Variants in MDGA2 observed in about 807,000 individuals in gnomAD.
The protein encoded by MDGA2 is MAM domain-containing glycosylphosphatidylinositol anchor protein 2.
A neutral mutation model predicts 117.8 loss-of-function variants in MDGA2; 40 were observed. The observed-to-expected ratio is 0.34, with a 90% confidence interval of 0.26 to 0.44. The LOEUF (loss-of-function observed/expected upper bound fraction) is 0.44. MDGA2 is among the 20% of genes least tolerant of loss of function. The probability of loss-of-function intolerance (pLI) is 1.00; values close to 1 mark genes in which losing one functional copy is unlikely to be tolerated. For synonymous variants in MDGA2, 452 were observed against 439.0 expected, an observed-to-expected ratio of 1.03 and a Z score of -0.37; for missense variants, 1,123 against 1,250.6, an observed-to-expected ratio of 0.90 and a Z score of 1.54.
chr14:46,842,177 A>G (rs2138260076), intron 16 of MDGA2, among the ~76,000 whole-genome samples, 158 bp from the exon 17 acceptor site: 1 of 152,272 alleles, frequency 6.6e-6, no homozygotes, highest in South Asian at 2.1e-4. Context: ...CTTCATTGCT[A>G]AGGGAAGTGA....
intron 5 of MDGA2, among the ~76,000 whole-genome samples, chr14:47,110,098 C>T (rs536902075): frequency 2.6e-5 from 4 of 152,074 alleles, no homozygotes; most frequent in African/African-American, 9.6e-5. Flanking sequence ...TTTAAACTTA[C>T]CTATGTTTTA....
intron 1 of MDGA2, among the ~76,000 whole-genome samples, chr14:47,479,408 A>G (rs946894991): frequency 2.0e-5 from 3 of 152,100 alleles, no homozygotes; most frequent in African/African-American, 7.2e-5. Flanking sequence ...TTTGAAATAG[A>G]TAACATCTTC....
At chr14:47,312,557 C>G (rs951979858) in intron 1 of MDGA2, among the ~76,000 whole-genome samples, 2 of 151,978 alleles carry the variant, frequency 1.3e-5, no homozygotes, top group African/African-American at 4.8e-5. Context: ...TTTTTTAAGG[C>G]AGTGGCACCA....
chr14:47,650,728 G>A (rs1243197649), intron 1 of MDGA2, among the ~76,000 whole-genome samples: 2 of 152,216 alleles, frequency 1.3e-5, no homozygotes, highest in Non-Finnish European at 1.5e-5. Context: ...ACAAATTATT[G>A]TAAAATAAAA....
At chr14:47,451,577 C>T (rs142198653) in intron 1 of MDGA2, among the ~76,000 whole-genome samples, 1 of 152,062 alleles carries the variant, frequency 6.6e-6, no homozygotes, top group African/African-American at 2.4e-5. Flanking sequence ...GACAGTCTAC[C>T]AAGATGAGAA....
intron 3 of MDGA2, among the ~76,000 whole-genome samples, chr14:47,157,954 T>C (rs1241206630): frequency 2.0e-5 from 3 of 151,920 alleles, no homozygotes. Flanking sequence ...TTGTAAATTA[T>C]TGTCTTGGGT....
chr14:47,058,519 G>T, intron 7 of MDGA2: 1 of 984,192 alleles, frequency 1.0e-6, no homozygotes, highest in Non-Finnish European at 1.2e-6. Flanking sequence ...TATAATCCAA[G>T]ATTTCCTTGT....
chr14:47,295,057 AG>A (rs1889017330), intron 2 of MDGA2, among the ~76,000 whole-genome samples: 1 of 152,258 alleles, frequency 6.6e-6, no homozygotes, highest in African/African-American at 2.4e-5. Flanking sequence ...ATAAACTACT[AG>A]ACAATTTTAA....
chr14:47,218,577 T>C lies in MDGA2; in HGVS notation c.421-382A>G, dbSNP rs117785139. On this transcript the variant is annotated intron_variant, in intron 2 of 16. Coordinates refer to ENST00000399232, the MANE Select transcript of MDGA2 (RefSeq NM_001113498.3). Reference sequence around the variant, plus strand: ...CCAAACCTTGTGAGATAATTTTACTTATTTTGTCCAAGTAGGTTCTCATTT... The same window carrying C: ...CCAAACCTTGTGAGATAATTTTACTCATTTTGTCCAAGTAGGTTCTCATTT... Among the ~76,000 whole-genome samples, 937 of 152,264 alleles carry C rather than the reference T, an allele frequency of 6.2e-3. 4 individuals carry two copies. The highest frequency in any genetic ancestry group is 0.01 in the Non-Finnish European group (708 of 67,988).
At chr14:47,473,473 T>A (rs982316617) in intron 1 of MDGA2, among the ~76,000 whole-genome samples, 22 of 152,116 alleles carry the variant, frequency 1.4e-4, no homozygotes, top group African/African-American at 5.3e-4. Flanking sequence ...TAAAATGAAA[T>A]TTTTTAAAAA....
At chr14:46,989,751 G>C (rs1282584893) in intron 8 of MDGA2, among the ~76,000 whole-genome samples, 1 of 151,938 alleles carries the variant, frequency 6.6e-6, no homozygotes, top group Non-Finnish European at 1.5e-5. Flanking sequence ...ATCTAGGCAG[G>C]ACCAAACCAG....
chr14:47,107,879 A>G (rs1193764811), intron 5 of MDGA2, among the ~76,000 whole-genome samples: 1 of 151,598 alleles, frequency 6.6e-6, no homozygotes, highest in Non-Finnish European at 1.5e-5. Context: ...AAATAAGTAG[A>G]GGCCTTTCCT....
At chr14:47,078,935 T>C (rs1046783790) in intron 6 of MDGA2, among the ~76,000 whole-genome samples, 5 of 151,540 alleles carry the variant, frequency 3.3e-5, no homozygotes, top group Non-Finnish European at 7.4e-5. Flanking sequence ...GACCAACATC[T>C]CCCCAGTACT....
chr14:47,601,034 A>G (rs1421747387), intron 1 of MDGA2, among the ~76,000 whole-genome samples: 2 of 152,214 alleles, frequency 1.3e-5, no homozygotes, highest in Admixed American at 1.3e-4. Flanking sequence ...GTATGTTTTC[A>G]GAAGTTTTTT....
At chr14:46,978,682 C>G (rs182236969) in intron 8 of MDGA2, among the ~76,000 whole-genome samples, 1 of 151,956 alleles carries the variant, frequency 6.6e-6, no homozygotes, top group Non-Finnish European at 1.5e-5. Context: ...GTTATCATTG[C>G]CTCTGCCAAG....
At position 47,396,013 on chromosome 14, in the gene MDGA2, A is replaced by G. The variant is rs550230732; in HGVS notation, c.281-94463T>C. Among the ~76,000 whole-genome samples, 33 of 152,314 alleles carry G rather than the reference A, an allele frequency of 2.2e-4. No homozygotes were observed. In the South Asian group the frequency reaches 6.2e-3, roughly 29 times the overall value. ...TATTTTCTGACTAGCAAGAGAATCT[A>G]TGTGTTTCATAAGTGTTGGAATGGG... On this transcript the variant is annotated intron_variant, in intron 1 of 16. Transcript: ENST00000399232.
At chr14:47,361,207 C>CTCTCTCTA (rs61280975) in intron 1 of MDGA2, among the ~76,000 whole-genome samples, 3,055 of 140,410 alleles carry the variant, frequency 0.022, 45 homozygotes, top group Non-Finnish European at 0.026. Flanking sequence ...CTCTCTCTCT[C>CTCTCTCTA]TATATATATA....
At chr14:47,256,799 GAGAA>G (rs1887634586) in intron 2 of MDGA2, among the ~76,000 whole-genome samples, 2 of 150,874 alleles carry the variant, frequency 1.3e-5, no homozygotes, top group South Asian at 4.2e-4. Flanking sequence ...GAAAGAAAGA[GAGAA>G]AGAGAGAAGG....
intron 7 of MDGA2, among the ~76,000 whole-genome samples, chr14:47,046,648 A>G (rs1889277449): frequency 6.6e-6 from 1 of 151,726 alleles, no homozygotes; most frequent in African/African-American, 2.4e-5. Context: ...AATGCAGAGT[A>G]AATCTGGAAA....
Sources: allele counts gnomAD v4.1 joint callset (sites outside exome capture counted in the v4.1 genomes callset), GRCh38; gene constraint gnomAD v4.1.1; transcripts MANE v1.5; gene names NCBI Gene and HGNC (gene_info 2026-07-23, HGNC 2026-07-21).